MYO16: variants seen among roughly 807,000 people sequenced by gnomAD.
MYO16 encodes unconventional myosin-XVI.
Under a neutral mutation model 205.3 loss-of-function variants are expected in MYO16, and 94 were observed. That is an observed-to-expected ratio of 0.46 (90% CI 0.39 to 0.54). The LOEUF is 0.54. Ranked by LOEUF, MYO16 falls within the 20% of genes least tolerant of loss-of-function variation. The pLI is 0.00. For synonymous variants in MYO16, 988 were observed against 954.0 expected (o/e 1.04, Z -0.66); for missense variants, 2,315 against 2,387.5 (o/e 0.97, Z 0.63).
chr13:108,588,632 T>A, the MYO16 span, among the ~76,000 whole-genome samples: 1 of 152,108 alleles, frequency 6.6e-6, no homozygotes, highest in Non-Finnish European at 1.5e-5. Context: ...AGAACTTAGG[T>A]GGGATTGCAT....
At chr13:108,835,520 TC>T (rs1445911846) in intron 9 of MYO16, among the ~76,000 whole-genome samples, 2 of 152,170 alleles carry the variant, frequency 1.3e-5, no homozygotes, top group African/African-American at 4.8e-5. Context: ...CTGTAAAGAT[TC>T]CCAAAAGTGT....
chr13:108,838,678 A>AAAAAT (rs58487713), intron 9 of MYO16, among the ~76,000 whole-genome samples: 1 of 124,772 alleles, frequency 8.0e-6, no homozygotes, highest in Admixed American at 8.6e-5. Flanking sequence ...AAAAAAAAAA[A>AAAAAT]ATATATATAT....
intron 7 of MYO16, 116 bp downstream of exon 7, chr13:108,806,920 T>G: frequency 1.3e-6 from 1 of 772,816 alleles, no homozygotes; most frequent in Non-Finnish European, 1.8e-6. Flanking sequence ...AATTTGACTT[T>G]TAATAGTGTC....
intron 20 of MYO16, among the ~76,000 whole-genome samples, chr13:108,977,301 A>AT (rs769297884): frequency 6.6e-6 from 1 of 151,904 alleles, no homozygotes; most frequent in Non-Finnish European, 1.5e-5. Flanking sequence ...GTCTCTTTTC[A>AT]TTTTTTTTCT....
the MYO16 span, among the ~76,000 whole-genome samples, chr13:108,572,168 T>C: frequency 6.6e-6 from 1 of 151,990 alleles, no homozygotes; most frequent in African/African-American, 2.4e-5. Flanking sequence ...CTCAAGTGAC[T>C]CTCCTGCCTT....
At chr13:108,865,245 T>TA (rs1878653513) in intron 11 of MYO16, among the ~76,000 whole-genome samples, 1 of 152,178 alleles carries the variant, frequency 6.6e-6, no homozygotes. Context: ...TTCCATGAAT[T>TA]ACTAAGAAAA....
chr13:108,675,934 C>T (rs1260530132), intron 2 of MYO16, among the ~76,000 whole-genome samples: 4 of 152,144 alleles, frequency 2.6e-5, no homozygotes, highest in Admixed American at 6.5e-5. Context: ...GATAAGGTTA[C>T]GAGGTAAGTG....
At chr13:109,068,774 A>G (rs1188676968) in intron 27 of MYO16, among the ~76,000 whole-genome samples, 1 of 152,106 alleles carries the variant, frequency 6.6e-6, no homozygotes, top group Non-Finnish European at 1.5e-5. Flanking sequence ...TATTTTTAGT[A>G]GAGAAGGGGT....
At chr13:108,959,961 C>CT (rs1382864537) in intron 17 of MYO16, among the ~76,000 whole-genome samples, 1 of 145,174 alleles carries the variant, frequency 6.9e-6, no homozygotes, top group East Asian at 2.0e-4. Flanking sequence ...TTCATGAAGA[C>CT]TAATTGATTT....
chr13:108,758,439 G>A (rs192031237), intron 4 of MYO16, among the ~76,000 whole-genome samples: 1 of 152,204 alleles, frequency 6.6e-6, no homozygotes, highest in East Asian at 1.9e-4. Flanking sequence ...AGAGATCACT[G>A]TTATCAGGAC....
At chr13:108,852,762 G>A (rs1877951224) in intron 10 of MYO16, among the ~76,000 whole-genome samples, 1 of 152,146 alleles carries the variant, frequency 6.6e-6, no homozygotes, top group African/African-American at 2.4e-5. Flanking sequence ...ACACTTAGCT[G>A]CAGAGGAGGC....
chr13:108,969,013 T>A (rs1324302002), intron 20 of MYO16, among the ~76,000 whole-genome samples: 1 of 152,228 alleles, frequency 6.6e-6, no homozygotes, highest in Non-Finnish European at 1.5e-5. Context: ...CTAGCACATG[T>A]GAGTCCATGA....
chr13:108,919,781 A>T (rs1483336769), intron 16 of MYO16, among the ~76,000 whole-genome samples: 1 of 152,206 alleles, frequency 6.6e-6, no homozygotes, highest in Non-Finnish European at 1.5e-5. Flanking sequence ...CTTACTTTTA[A>T]TTTCAAATTC....
Position 108,820,477 on chromosome 13 carries a change from C to A in MYO16, c.943+65C>A, listed in dbSNP as rs74119773. 1,480 of 1,314,418 alleles carry A rather than the reference C, an allele frequency of 1.1e-3. 10 individuals carry two copies. In the African/African-American group the frequency reaches 0.019, roughly 17 times the overall value. 81.4% of individuals were successfully genotyped at this position (1,314,418 alleles called of 1,614,324 possible). A position where few individuals can be genotyped will look rare whatever the true frequency, so the allele number is the denominator to read the frequency against. On this transcript the variant is annotated intron_variant, in intron 8 of 34. Transcript: ENST00000457511. ...TTTTCTTCCTTTCATATTGGAGTAG[C>A]CATCCATCTTCAGCACAGCTACAAA...
At chr13:108,557,480 T>A in the MYO16 span, among the ~76,000 whole-genome samples, 1 of 152,156 alleles carries the variant, frequency 6.6e-6, no homozygotes, top group Non-Finnish European at 1.5e-5. Context: ...GTATAACATA[T>A]AACTGAAACA....
chr13:109,074,305 G>A (rs1162019116), intron 27 of MYO16, among the ~76,000 whole-genome samples: 1 of 152,108 alleles, frequency 6.6e-6, no homozygotes, highest in Non-Finnish European at 1.5e-5. Context: ...GCATTGATAT[G>A]CTTTTGCCTC....
intron 1 of MYO16, among the ~76,000 whole-genome samples, chr13:108,618,919 G>A (rs1399042953): frequency 6.6e-6 from 1 of 151,746 alleles, no homozygotes; most frequent in Admixed American, 6.6e-5. Context: ...ATTTATACGT[G>A]TGCAACCACC....
Position 108,799,522 on chromosome 13 carries a change from A to T in MYO16, c.741+5882A>T, listed in dbSNP as rs73612408. Reference sequence around the variant, plus strand: ...GTATTTGCTGCAACCGAACAGTGATATGAAAATGTCAGGACTTTTATTGAT... The same window carrying T: ...GTATTTGCTGCAACCGAACAGTGATTTGAAAATGTCAGGACTTTTATTGAT... On this transcript the variant is annotated intron_variant, in intron 6 of 34. Coordinates refer to ENST00000457511, the MANE Select transcript of MYO16 (RefSeq NM_001198950.3). Among the ~76,000 whole-genome samples the T allele has an allele frequency of 5.2e-3, 795 of 152,338 alleles. 5 individuals are homozygous for T. Among genetic ancestry groups the T allele is most frequent in the African/African-American group, 0.018 (752 of 41,592 alleles).
chr13:109,017,592 G>A (rs973605015), intron 22 of MYO16, among the ~76,000 whole-genome samples: 8 of 152,114 alleles, frequency 5.3e-5, no homozygotes, highest in Admixed American at 3.3e-4. Context: ...GTCACTTTCA[G>A]GTACACCAAT....
Sources: allele counts gnomAD v4.1 joint callset (sites outside exome capture counted in the v4.1 genomes callset), GRCh38; gene constraint gnomAD v4.1.1; transcripts MANE v1.5; gene names NCBI Gene and HGNC (gene_info 2026-07-23, HGNC 2026-07-21).